The following DDX10 variants were observed in gnomAD, a reference collection of about 807,000 sequenced individuals.
DDX10 encodes the protein probable ATP-dependent RNA helicase DDX10.
Under a neutral mutation model 104.3 loss-of-function variants are expected in DDX10, and 74 were observed. The observed-to-expected ratio is 0.71, with a 90% CI of 0.59 to 0.86. The LOEUF (loss-of-function observed/expected upper bound fraction) is 0.86. DDX10 is among the 40% of genes least tolerant of loss of function. The pLI is 0.00. For missense variants in DDX10, 952 were observed against 1,040.0 expected (o/e 0.92, Z 1.16); for synonymous variants, 351 against 353.4 (o/e 0.99, Z 0.08).
chr11:108,761,335 A>G lies in DDX10; in HGVS notation c.1965+37873A>G, dbSNP rs148301972. Among the ~76,000 whole-genome samples the G allele has an allele frequency of 1.6e-3, 247 of 152,246 alleles. 2 individuals are homozygous for G. Among genetic ancestry groups the G allele is most frequent in the African/African-American group, 5.5e-3 (228 of 41,578 alleles). On this transcript the variant is annotated intron_variant, in intron 13 of 17. Coordinates refer to ENST00000322536, the MANE Select transcript of DDX10 (RefSeq NM_004398.4). ...ACTTGTGTTTTTCCTTTTGGAGAACAGTAGTAGTCTAGAGGCAGCGCCTCT... is the reference window on the plus strand; with the variant it reads ...ACTTGTGTTTTTCCTTTTGGAGAACGGTAGTAGTCTAGAGGCAGCGCCTCT...
At position 108,838,828 on chromosome 11, in the gene DDX10, G is replaced by A. The variant is rs146465901; in HGVS notation, c.2085+263G>A. ...TTCTAGATTATGTTTTTATAGATAA[G>A]GTTTTCTCTTCATGGTATTGAACAT... is the stretch of plus-strand genomic sequence containing the variant. On this transcript the variant is annotated intron_variant, in intron 14 of 17. Coordinates refer to ENST00000322536, the MANE Select transcript of DDX10 (RefSeq NM_004398.4). Among the ~76,000 whole-genome samples the A allele has an allele frequency of 3.4e-3, 519 of 152,282 alleles. 1 individual carries two copies. The highest frequency in any genetic ancestry group is 6.3e-3 in the Non-Finnish European group (428 of 68,022).
rs1265650788 is a variant in DDX10 at position 108,677,236 on chromosome 11, G to T, written c.530G>T (p.Gly177Val). The T allele has an allele frequency of 3.1e-6, 5 of 1,612,776 alleles. No individual in the cohort carries two copies. In the African/African-American group the frequency reaches 5.3e-5, roughly 17 times the overall value. The change falls in exon 4 of 18, where the codon GGT becomes GTT. Residue 177 changes from glycine to valine, a missense_variant. By Grantham distance (109) the Gly-to-Val change is moderately radical. Coordinates refer to ENST00000322536, the MANE Select transcript of DDX10 (RefSeq NM_004398.4). ...NHDFSAGLII[G>V]GKDLKHEAER... is the part of the protein sequence containing the mutation. ...GACTTCTCAGCTGGTCTCATCATTG[G>T]TGGAAAGGTTTGTCCTTTTGTCTAT...
At chr11:108,815,332 C>T (rs539727131) in intron 13 of DDX10, among the ~76,000 whole-genome samples, 2 of 151,780 alleles carry the variant, frequency 1.3e-5, no homozygotes, top group African/African-American at 2.4e-5. Context: ...GGAAAGCTGT[C>T]AAGTGAGTAA....
At chr11:108,703,776 T>G (rs2094271949) in intron 9 of DDX10, among the ~76,000 whole-genome samples, 1 of 152,190 alleles carries the variant, frequency 6.6e-6, no homozygotes, top group Non-Finnish European at 1.5e-5. Flanking sequence ...TTCTTATGCC[T>G]TCTTTTAAAA....
At chr11:108,671,978 G>A (rs1458515286) in intron 1 of DDX10, among the ~76,000 whole-genome samples, 1 of 150,056 alleles carries the variant, frequency 6.7e-6, no homozygotes, top group African/African-American at 2.5e-5. Context: ...GGAGAATGGC[G>A]TGAACCCGGG....
At chr11:108,895,827 A>G (rs950180949) in intron 16 of DDX10, among the ~76,000 whole-genome samples, 1 of 152,152 alleles carries the variant, frequency 6.6e-6, no homozygotes, top group African/African-American at 2.4e-5. Context: ...CAGAAAATTC[A>G]GGAAAGTGTT....
intron 13 of DDX10, among the ~76,000 whole-genome samples, chr11:108,816,651 C>G (rs1591825970): frequency 6.6e-6 from 1 of 150,904 alleles, no homozygotes; most frequent in African/African-American, 2.4e-5. Flanking sequence ...CTCCCAGGTT[C>G]AAGTGATTTT....
At chr11:108,856,724 A>G (rs886341504) in intron 16 of DDX10, among the ~76,000 whole-genome samples, 8 of 152,126 alleles carry the variant, frequency 5.3e-5, no homozygotes, top group African/African-American at 1.9e-4. Flanking sequence ...GTAAAAACCC[A>G]TTTCACCACT....
chr11:108,852,193 A>C lies in DDX10; in HGVS notation c.2288A>C (p.Asn763Thr), dbSNP rs563625715. The C allele has an allele frequency of 1.8e-5, 29 of 1,611,236 alleles. No homozygotes were observed. The highest frequency in any genetic ancestry group is 2.4e-5 in the Non-Finnish European group (28 of 1,178,316). The change falls in exon 16 of 18, where the codon AAC becomes ACC. Residue 763 changes from asparagine to threonine, a missense_variant. Asn to Thr is a moderately conservative substitution (Grantham distance 65). Coordinates refer to ENST00000322536, the MANE Select transcript of DDX10 (RefSeq NM_004398.4). ...LKEREARREA[N>T]KRQAKAKDEE... ...GAAAGGGAAGCCAGAAGAGAAGCCA[A>C]CAAGAGACAAGCAAAGGTAAGGGTT...
At chr11:108,898,593 A>ATTT (rs1444130235) in intron 16 of DDX10, among the ~76,000 whole-genome samples, 1 of 151,898 alleles carries the variant, frequency 6.6e-6, no homozygotes, top group African/African-American at 2.4e-5. Flanking sequence ...TGTTGAAAAT[A>ATTT]CACCAGAATT....
chr11:108,669,497 C>T (rs1024526140), intron 1 of DDX10, among the ~76,000 whole-genome samples: 2 of 152,084 alleles, frequency 1.3e-5, no homozygotes, highest in African/African-American at 4.8e-5. Context: ...AAATGCATGG[C>T]ATTCTTTGAG....
chr11:108,785,287 T>A (rs1042528067), intron 13 of DDX10, among the ~76,000 whole-genome samples: 12 of 152,218 alleles, frequency 7.9e-5, no homozygotes, highest in Non-Finnish European at 1.3e-4. Flanking sequence ...TGTTTTATTG[T>A]GGTGAGTGAA....
intron 13 of DDX10, among the ~76,000 whole-genome samples, chr11:108,800,743 A>G (rs1862010114): frequency 6.6e-6 from 1 of 152,204 alleles, no homozygotes; most frequent in African/African-American, 2.4e-5. Flanking sequence ...AATATTGTTG[A>G]ACAATTTATT....
At chr11:108,820,747 C>A (rs1430217090) in intron 13 of DDX10, among the ~76,000 whole-genome samples, 1 of 152,166 alleles carries the variant, frequency 6.6e-6, no homozygotes, top group African/African-American at 2.4e-5. Context: ...GGGAATGGTT[C>A]CAGCTCATGG....
chr11:108,790,239 A>G (rs1227126782), intron 13 of DDX10, among the ~76,000 whole-genome samples: 1 of 152,162 alleles, frequency 6.6e-6, no homozygotes, highest in Admixed American at 6.5e-5. Context: ...TATGTTCACT[A>G]TCATTACTTA....
intron 13 of DDX10, among the ~76,000 whole-genome samples, chr11:108,824,844 C>T (rs1862374572): frequency 6.6e-6 from 1 of 151,964 alleles, no homozygotes; most frequent in African/African-American, 2.4e-5. Flanking sequence ...GCCAGGCGAA[C>T]AGAACAGTAA....
rs533222039 is a variant in DDX10, at chr11:108,847,628, A to G, written c.2248-4525A>G. Among the ~76,000 whole-genome samples, 16 of 152,330 alleles carry G rather than the reference A, an allele frequency of 1.1e-4. 1 individual carries two copies. In the East Asian group the frequency reaches 2.9e-3, roughly 28 times the overall value. On this transcript the variant is annotated intron_variant, in intron 15 of 17. Transcript: ENST00000322536. ...TCTATCTTGTTTTATTGTTGTTGAC[A>G]CATAATTAAGTTGGCATGGAATCCA...
intron 9 of DDX10, among the ~76,000 whole-genome samples, chr11:108,703,634 G>C (rs2094271729): frequency 6.6e-6 from 1 of 152,216 alleles, no homozygotes; most frequent in South Asian, 2.1e-4. Flanking sequence ...GGCCTAAAGT[G>C]TAGATCTTTT....
intron 13 of DDX10, among the ~76,000 whole-genome samples, chr11:108,787,868 T>G (rs1861816864): frequency 6.6e-6 from 1 of 152,112 alleles, no homozygotes. Context: ...AGGTGGAGGC[T>G]GCGGTGAGCG....
Sources: allele counts gnomAD v4.1 joint callset (sites outside exome capture counted in the v4.1 genomes callset), GRCh38; gene constraint gnomAD v4.1.1; transcripts MANE v1.5; gene names NCBI Gene and HGNC (gene_info 2026-07-23, HGNC 2026-07-21).